TRIM2: variants seen among roughly 807,000 people sequenced by gnomAD.
The protein encoded by TRIM2 is tripartite motif-containing protein 2.
TRIM2 carries 20 observed loss-of-function variants against 75.2 expected under a neutral mutation model. The observed-to-expected ratio is 0.27, with a 90% CI of 0.19 to 0.39. TRIM2 has a LOEUF of 0.39. Among genes scored for constraint, TRIM2 ranks in the 10% least tolerant of loss-of-function variants. The probability of loss-of-function intolerance (pLI) is 1.00; values close to 1 mark genes in which losing one functional copy is unlikely to be tolerated. For missense variants in TRIM2, 660 were observed against 990.8 expected, an observed-to-expected ratio of 0.67 and a Z score of 4.48; for synonymous variants, 373 against 388.3, an observed-to-expected ratio of 0.96 and a Z score of 0.46.
chr4:153,252,994 C>T (rs1231693151), intron 1 of TRIM2, among the ~76,000 whole-genome samples: 3 of 152,152 alleles, frequency 2.0e-5, no homozygotes, highest in Non-Finnish European at 2.9e-5. Flanking sequence ...AGGCACTGCA[C>T]TAAGGGTTAG....
Position 153,205,173 on chromosome 4 carries a change from C to T in TRIM2, c.30+613C>T, listed in dbSNP as rs1223132100. ...AAGAAATAGCCCCAGGTGAATAGAG[C>T]GTTTGTCCTTGACTACCCAAGTGAG... On this transcript the variant is annotated intron_variant, in intron 1 of 11. Coordinates refer to ENST00000338700, the MANE Select transcript of TRIM2 (RefSeq NM_015271.5). Among the ~76,000 whole-genome samples the T allele has an allele frequency of 6.6e-5, 10 of 152,246 alleles. No homozygotes were observed. In the South Asian group the frequency reaches 1.5e-3, roughly 22 times the overall value.
At chr4:153,219,266 A>T (rs1739325390) in intron 1 of TRIM2, among the ~76,000 whole-genome samples, 1 of 152,154 alleles carries the variant, frequency 6.6e-6, no homozygotes, top group Non-Finnish European at 1.5e-5. Flanking sequence ...ACTGTTGAGG[A>T]GTGGCAGTCA....
At chr4:153,293,618 A>G (rs182432234) in intron 4 of TRIM2, among the ~76,000 whole-genome samples, 1 of 152,344 alleles carries the variant, frequency 6.6e-6, no homozygotes, top group East Asian at 1.9e-4. Flanking sequence ...AAATGAAAGA[A>G]CAGAGTAGCT....
rs536315453 is a variant in TRIM2 at position 153,164,319 on chromosome 4, T to C, written c.-49+11049T>C. On this transcript the variant is annotated intron_variant, in intron 1 of 11. Coordinates refer to the TRIM2 transcript ENST00000437508. ...ACCACCATGCTCAGCTCACATGCAC[T>C]TAATTTTTAAAAATAAGATGGTACT... Among the ~76,000 whole-genome samples, 3 of 152,302 alleles carry C rather than the reference T, an allele frequency of 2.0e-5. No individual in the cohort carries two copies. The South Asian group carries it at 6.2e-4, about 32-fold the overall frequency.
intron 1 of TRIM2, among the ~76,000 whole-genome samples, chr4:153,220,480 A>T (rs954242663): frequency 2.0e-5 from 3 of 152,194 alleles, no homozygotes; most frequent in African/African-American, 7.2e-5. Context: ...AGAAAGTGAA[A>T]GGACAGCCCG....
In TRIM2 at chr4:153,339,195, G is replaced by GAAA. The variant is rs1772819926; in HGVS notation, c.*4229_*4230insAAA. 1 of 985,682 alleles carries GAAA rather than the reference G, an allele frequency of 1.0e-6. No homozygotes were observed. The highest frequency in any genetic ancestry group is 1.7e-5 in the African/African-American group (1 of 57,202). 61.1% of individuals were successfully genotyped at this position (985,682 alleles called of 1,614,324 possible). A position where few individuals can be genotyped will look rare whatever the true frequency, so the allele number is the denominator to read the frequency against. On this transcript the variant is annotated 3_prime_UTR_variant, in exon 12 of 12. Coordinates refer to ENST00000338700, the MANE Select transcript of TRIM2 (RefSeq NM_015271.5). ...ACATACGTACCACAGTATTTTGGAT[G>GAAA]CTTTAGTCTACAATGAAACTTTCAA...
At chr4:153,324,277 C>T in intron 10 of TRIM2, 129 bp downstream of exon 10, 1 of 672,470 alleles carries the variant, frequency 1.5e-6, no homozygotes, top group African/African-American at 1.9e-5. Flanking sequence ...CTTTGTTCTG[C>T]TCAAAGATGC....
At chr4:153,186,557 G>C (rs906196230) in intron 1 of TRIM2, among the ~76,000 whole-genome samples, 1 of 152,176 alleles carries the variant, frequency 6.6e-6, no homozygotes, top group Non-Finnish European at 1.5e-5. Flanking sequence ...AGGAATTTTT[G>C]TTGGCGCTCA....
intron 1 of TRIM2, among the ~76,000 whole-genome samples, chr4:153,182,822 C>T (rs1732205348): frequency 1.3e-5 from 2 of 152,188 alleles, no homozygotes; most frequent in Non-Finnish European, 2.9e-5. Context: ...TACCTGGGGG[C>T]TATTGCACTT....
At chr4:153,294,240 TTAGA>T in intron 4 of TRIM2, 61 bp from the exon 5 acceptor site, 1 of 1,537,606 alleles carries the variant, frequency 6.5e-7, no homozygotes, top group South Asian at 1.2e-5. Context: ...AATGTAGTGT[TTAGA>T]TAGATTTTGG....
intron 1 of TRIM2, among the ~76,000 whole-genome samples, chr4:153,231,034 AG>A (rs1365869016): frequency 6.6e-6 from 1 of 152,244 alleles, no homozygotes; most frequent in African/African-American, 2.4e-5. Flanking sequence ...TTTCCAGTAA[AG>A]GGGGAGTCAG....
At chr4:153,201,136 G>A, upstream of TRIM2, among the ~76,000 whole-genome samples, 1 of 152,046 alleles carries the variant, frequency 6.6e-6, no homozygotes, top group African/African-American at 2.4e-5. Flanking sequence ...GCTAATTTTT[G>A]TATTTTTAGT....
At chr4:153,172,141 A>ATT (rs11418854) in intron 1 of TRIM2, among the ~76,000 whole-genome samples, 19,903 of 148,880 alleles carry the variant, frequency 0.13, 1,641 homozygotes, top group Non-Finnish European at 0.19. Context: ...TATGATAGTA[A>ATT]TTTTTTTTTT....
At chr4:153,205,843 G>A (rs1439664269) in intron 1 of TRIM2, among the ~76,000 whole-genome samples, 1 of 152,166 alleles carries the variant, frequency 6.6e-6, no homozygotes, top group Admixed American at 6.5e-5. Context: ...TTGACGCCAA[G>A]CAACATGAAT....
chr4:153,281,039 A>G (rs931804674), intron 3 of TRIM2, among the ~76,000 whole-genome samples: 1 of 152,228 alleles, frequency 6.6e-6, no homozygotes, highest in East Asian at 1.9e-4. Flanking sequence ...TGAGCATCAT[A>G]AAAGAAAATG....
chr4:153,320,917 C>T (rs1164609334), intron 8 of TRIM2, among the ~76,000 whole-genome samples: 1 of 152,218 alleles, frequency 6.6e-6, no homozygotes, highest in Non-Finnish European at 1.5e-5. Flanking sequence ...CAGGTGTGAG[C>T]CACCGCGCCC....
intron 1 of TRIM2, among the ~76,000 whole-genome samples, chr4:153,255,481 A>G (rs1171342879): frequency 1.3e-5 from 2 of 152,204 alleles, no homozygotes; most frequent in African/African-American, 4.8e-5. Flanking sequence ...TAGTAGCAGA[A>G]TGAGAAGAAG....
chr4:153,258,496 T>C (rs1752629363), intron 1 of TRIM2, among the ~76,000 whole-genome samples: 1 of 152,128 alleles, frequency 6.6e-6, no homozygotes, highest in Non-Finnish European at 1.5e-5. Context: ...TCTACAAGTA[T>C]GCCCCACCCT....
At chr4:153,254,960 G>A (rs1452925348) in intron 1 of TRIM2, among the ~76,000 whole-genome samples, 1 of 152,154 alleles carries the variant, frequency 6.6e-6, no homozygotes. Flanking sequence ...ATTACTCGCT[G>A]GTCCCATGAA....
Sources: gnomAD v4.1 joint callset for allele counts (sites outside exome capture counted in the v4.1 genomes callset) on GRCh38, gnomAD v4.1.1 for gene constraint, MANE v1.5 for transcripts, NCBI Gene and HGNC (gene_info 2026-07-23, HGNC 2026-07-21) for gene names.